XKR4: variants seen among roughly 807,000 people sequenced by gnomAD.
The protein encoded by XKR4 is XK-related protein 4.
In XKR4, 12 loss-of-function variants were observed where a neutral mutation model predicts 53.9. The observed-to-expected ratio is 0.22, with a 90% CI of 0.14 to 0.36. The LOEUF is 0.36. Ranked by LOEUF, XKR4 falls within the 10% of genes least tolerant of loss-of-function variation. The pLI is 1.00. For synonymous variants in XKR4, 354 were observed against 362.4 expected (o/e 0.98, Z 0.26); for missense variants, 799 against 859.5 (o/e 0.93, Z 0.88).
At chr8:55,258,710 G>A (rs761763773) in intron 1 of XKR4, among the ~76,000 whole-genome samples, 22 of 152,102 alleles carry the variant, frequency 1.4e-4, no homozygotes, top group Non-Finnish European at 2.8e-4. Context: ...TTAATAGCTT[G>A]CTAATGATCA....
chr8:55,326,724 G>A (rs1803300522), intron 1 of XKR4, among the ~76,000 whole-genome samples: 1 of 151,764 alleles, frequency 6.6e-6, no homozygotes. Flanking sequence ...GCTCACCTCG[G>A]CCTCCCAAAG....
chr8:55,540,310 C>T lies in XKR4; in HGVS notation c.*16083C>T, dbSNP rs904289872. On this transcript the variant is annotated 3_prime_UTR_variant, in exon 3 of 3. Coordinates refer to ENST00000327381, the MANE Select transcript of XKR4 (RefSeq NM_052898.2). Reference sequence around the variant, plus strand: ...AAGTGATAGAAAACATATGGAAATTCTCTTTTGATCAAAAGGAGTGTCTCC... The same window carrying T: ...AAGTGATAGAAAACATATGGAAATTTTCTTTTGATCAAAAGGAGTGTCTCC... The T allele has an allele frequency of 6.6e-5, 10 of 152,212 alleles. No homozygotes were observed. The East Asian group carries it at 1.9e-3, about 29-fold the overall frequency. 9.4% of individuals were successfully genotyped at this position (152,212 alleles called of 1,614,324 possible). A position where few individuals can be genotyped will look rare whatever the true frequency, so the allele number is the denominator to read the frequency against.
At chr8:55,272,834 A>T (rs936911003) in intron 1 of XKR4, 3 of 424,222 alleles carry the variant, frequency 7.1e-6, no homozygotes, top group Non-Finnish European at 1.4e-5. Flanking sequence ...TCCAAGAATT[A>T]TGTTTTAGAG....
At chr8:55,515,839 C>T (rs1437796272) in intron 2 of XKR4, among the ~76,000 whole-genome samples, 2 of 152,156 alleles carry the variant, frequency 1.3e-5, no homozygotes, top group Non-Finnish European at 2.9e-5. Flanking sequence ...AGTTAAAGAC[C>T]TCCAGGTCCT....
chr8:55,360,236 G>A (rs1306849929), intron 2 of XKR4, among the ~76,000 whole-genome samples: 5 of 152,292 alleles, frequency 3.3e-5, no homozygotes, highest in Admixed American at 6.5e-5. Context: ...AGTAAAAAAC[G>A]ACAGACCCTC....
chr8:55,150,291 A>C (rs976251199), intron 1 of XKR4, among the ~76,000 whole-genome samples: 1 of 152,206 alleles, frequency 6.6e-6, no homozygotes, highest in Non-Finnish European at 1.5e-5. Flanking sequence ...TTCAGTTTAC[A>C]TTAAAATCTG....
At chr8:55,152,880 T>C (rs1345040111) in intron 1 of XKR4, among the ~76,000 whole-genome samples, 1 of 152,228 alleles carries the variant, frequency 6.6e-6, no homozygotes. Flanking sequence ...AGCACCTCAA[T>C]TACTCACCTG....
intron 1 of XKR4, among the ~76,000 whole-genome samples, chr8:55,226,674 T>G (rs1465166503): frequency 1.3e-5 from 2 of 152,104 alleles, no homozygotes; most frequent in African/African-American, 2.4e-5. Context: ...CAACTCTACC[T>G]TTCCTCCTCA....
intron 1 of XKR4, among the ~76,000 whole-genome samples, chr8:55,128,296 G>C (rs1390252216): frequency 2.0e-5 from 3 of 152,196 alleles, no homozygotes; most frequent in Admixed American, 6.5e-5. Context: ...ATTCTAACTG[G>C]TGTGAGATGA....
At chr8:55,234,456 C>T (rs778921319) in intron 1 of XKR4, among the ~76,000 whole-genome samples, 80 of 152,064 alleles carry the variant, frequency 5.3e-4, no homozygotes, top group Admixed American at 2.0e-3. Flanking sequence ...CTTTGGGGGC[C>T]GAGTCTGAAG....
intron 2 of XKR4, among the ~76,000 whole-genome samples, chr8:55,438,583 C>G (rs1246239220): frequency 1.1e-5 from 1 of 93,958 alleles, no homozygotes; most frequent in African/African-American, 4.6e-5. Context: ...GAGCAAGACT[C>G]CATCTTGAAA....
intron 2 of XKR4, among the ~76,000 whole-genome samples, chr8:55,382,405 A>T (rs1251952900): frequency 6.6e-6 from 1 of 152,248 alleles, no homozygotes; most frequent in Non-Finnish European, 1.5e-5. Flanking sequence ...AGCAGAATAA[A>T]ATATGATACT....
At chr8:55,429,908 A>G (rs1158399098) in intron 2 of XKR4, among the ~76,000 whole-genome samples, 1 of 152,202 alleles carries the variant, frequency 6.6e-6, no homozygotes, top group Non-Finnish European at 1.5e-5. Context: ...ACTCATATCT[A>G]GAAAATATAA....
At chr8:55,168,631 T>C (rs997668534) in intron 1 of XKR4, among the ~76,000 whole-genome samples, 3 of 152,212 alleles carry the variant, frequency 2.0e-5, no homozygotes, top group Non-Finnish European at 4.4e-5. Flanking sequence ...TTTTTCACTC[T>C]CTTGTTGTTT....
At chr8:55,295,791 G>T (rs540130895) in intron 1 of XKR4, among the ~76,000 whole-genome samples, 1 of 150,984 alleles carries the variant, frequency 6.6e-6, no homozygotes, top group South Asian at 2.1e-4. Context: ...CTAATTATCT[G>T]TCTACTCTTG....
At chr8:55,317,657 C>T (rs1350694139) in intron 1 of XKR4, among the ~76,000 whole-genome samples, 3 of 152,164 alleles carry the variant, frequency 2.0e-5, no homozygotes, top group Admixed American at 1.3e-4. Flanking sequence ...TAGGCCCAGG[C>T]AGTGATGGAG....
chr8:55,108,649 C>G (rs1381531912), intron 1 of XKR4, among the ~76,000 whole-genome samples: 1 of 152,016 alleles, frequency 6.6e-6, no homozygotes, highest in African/African-American at 2.4e-5. Flanking sequence ...TTTGGTGTTA[C>G]TATTTGAAGA....
At position 55,523,349 on chromosome 8, in the gene XKR4, G is replaced by T; in HGVS notation, c.1075G>T (p.Asp359Tyr). 2 of 1,614,148 alleles carry T rather than the reference G, an allele frequency of 1.2e-6. No individual in the cohort carries two copies. The highest frequency in any genetic ancestry group is 1.7e-4 in the Middle Eastern group (1 of 6,060). ...GGCCTCCTACCAGAAGGCCCTCCGG[G>T]ACTCTCGAGATGACAAGAAGCCCAT... ...ALASYQKALRDSRDDKKPISY... is the reference protein window; with the variant it reads ...ALASYQKALRYSRDDKKPISY... The change falls in exon 3 of 3, where the codon GAC (aspartate) becomes TAC (tyrosine). Residue 359 changes from aspartate to tyrosine, a missense_variant. This residue lies in a region of XKR4 where 476 missense variants were observed against 505.4 expected (regional missense o/e 0.94). Transcript: ENST00000327381.
rs776257004 is a variant in XKR4, at chr8:55,394,377, AC to A, written c.1006+36501del. On this transcript the variant is annotated intron_variant, in intron 2 of 2. Transcript: ENST00000327381. ...TGAGGAAAATTAATGCCAAAGAAGA[AC>A]AAGTTACAATAGCTCTCATAAGAGC... Among the ~76,000 whole-genome samples, 238 of 152,366 alleles carry A rather than the reference AC, an allele frequency of 1.6e-3. 7 individuals carry two copies. Among genetic ancestry groups the A allele is most frequent in the Admixed American group, 0.011 (173 of 15,304 alleles).
Sources: gnomAD v4.1 joint callset for allele counts (sites outside exome capture counted in the v4.1 genomes callset) on GRCh38, gnomAD v4.1.1 for gene constraint, gnomAD v4.1.1 regional missense constraint, MANE v1.5 for transcripts, NCBI Gene and HGNC (gene_info 2026-07-23, HGNC 2026-07-21) for gene names.